Variants in MTUS2 observed in about 807,000 individuals in gnomAD.
MTUS2 encodes microtubule-associated tumor suppressor candidate 2.
In MTUS2, 40 loss-of-function variants were observed where a neutral mutation model predicts 114.1. The observed-to-expected ratio is 0.35, with a 90% CI of 0.27 to 0.46. The LOEUF (loss-of-function observed/expected upper bound fraction) is 0.46. MTUS2 is among the 20% of genes least tolerant of loss of function. MTUS2 has a pLI of 1.00. For missense variants in MTUS2, 1,679 were observed against 1,705.4 expected (o/e 0.98, Z 0.27); for synonymous variants, 688 against 672.0 (o/e 1.02, Z -0.37).
chr13:29,176,318 G>A (rs980756896), intron 5 of MTUS2, among the ~76,000 whole-genome samples: 4 of 152,118 alleles, frequency 2.6e-5, no homozygotes, highest in East Asian at 1.9e-4. Flanking sequence ...CCTGGTTCAT[G>A]TTCTGTCCTC....
intron 2 of MTUS2, among the ~76,000 whole-genome samples, chr13:29,012,504 A>G (rs7999431): frequency 0.051 from 7,820 of 152,240 alleles, 731 homozygotes; most frequent in East Asian, 0.41. Context: ...GTGGTTAGAA[A>G]TTAGGAAGGG....
intron 5 of MTUS2, among the ~76,000 whole-genome samples, chr13:29,161,284 G>A (rs1482390496): frequency 6.6e-6 from 1 of 152,070 alleles, no homozygotes; most frequent in African/African-American, 2.4e-5. Context: ...GTTGCTACTG[G>A]GGGGAACTGA....
intron 2 of MTUS2, among the ~76,000 whole-genome samples, chr13:28,906,983 TG>T (rs975949579): frequency 1.6e-4 from 24 of 151,138 alleles, no homozygotes; most frequent in African/African-American, 5.9e-4. Flanking sequence ...AAGGAAAAAA[TG>T]TTAAGGGCAG....
At chr13:29,430,994 A>G (rs1251192159) in intron 8 of MTUS2, among the ~76,000 whole-genome samples, 1 of 152,256 alleles carries the variant, frequency 6.6e-6, no homozygotes, top group Non-Finnish European at 1.5e-5. Flanking sequence ...AACAATAAAT[A>G]TCTCCTCAGA....
intron 5 of MTUS2, among the ~76,000 whole-genome samples, chr13:29,222,398 T>G (rs1190791498): frequency 6.6e-6 from 1 of 152,238 alleles, no homozygotes. Context: ...TTTGTTTTTA[T>G]GTATGAATTT....
In MTUS2 at chr13:29,371,985, CCCACACA is replaced by C. The variant is rs1446507805; in HGVS notation, c.3117+12514_3117+12520del. Reference sequence around the variant, plus strand: ...AGTGTCCTCAACCCCCGCCCCCCCCCCCACACACACACACAAGCACAAAAGGTAACTG... The same window carrying C: ...AGTGTCCTCAACCCCCGCCCCCCCCCCACACACAAGCACAAAAGGTAACTG... On this transcript the variant is annotated intron_variant, in intron 8 of 15. Transcript: ENST00000612955. Among the ~76,000 whole-genome samples the C allele has an allele frequency of 1.3e-3, 73 of 54,240 alleles. 1 individual carries two copies. Among genetic ancestry groups the C allele is most frequent in the African/African-American group, 3.9e-3 (71 of 18,234 alleles). 35.6% of individuals were successfully genotyped at this position (54,240 alleles called of 152,430 possible).
At chr13:29,031,279 T>TGTG in intron 3 of MTUS2, among the ~76,000 whole-genome samples, 1 of 40,150 alleles carries the variant, frequency 2.5e-5, no homozygotes, top group Non-Finnish European at 6.3e-5. Context: ...TGGTGTGTGT[T>TGTG]CACAGGTCTA....
chr13:29,003,185 G>A (rs931111281), intron 2 of MTUS2, among the ~76,000 whole-genome samples: 1 of 152,160 alleles, frequency 6.6e-6, no homozygotes, highest in Admixed American at 6.5e-5. Context: ...GTTACATGCC[G>A]CTTACTGTGT....
chr13:28,847,215 T>C (rs1875946994), intron 2 of MTUS2, among the ~76,000 whole-genome samples: 1 of 152,194 alleles, frequency 6.6e-6, no homozygotes, highest in Non-Finnish European at 1.5e-5. Context: ...CAAATAGGCA[T>C]GAACAATATA....
chr13:29,459,819 C>T (rs1879359599), intron 9 of MTUS2, among the ~76,000 whole-genome samples: 1 of 152,080 alleles, frequency 6.6e-6, no homozygotes, highest in South Asian at 2.1e-4. Context: ...GCTGTCTGCC[C>T]ACCCACACAC....
chr13:29,268,716 C>A (rs187640896), intron 5 of MTUS2, among the ~76,000 whole-genome samples: 1 of 152,014 alleles, frequency 6.6e-6, no homozygotes, highest in Non-Finnish European at 1.5e-5. Flanking sequence ...AATTCTATTC[C>A]GTAATGATTC....
intron 1 of MTUS2, among the ~76,000 whole-genome samples, chr13:28,832,647 A>T (rs71433287): frequency 6.7e-6 from 1 of 148,394 alleles, no homozygotes. Flanking sequence ...ATATAATATG[A>T]CAATATATTA....
chr13:29,436,085 G>A (rs941205682), intron 8 of MTUS2, among the ~76,000 whole-genome samples: 1 of 152,218 alleles, frequency 6.6e-6, no homozygotes, highest in Non-Finnish European at 1.5e-5. Context: ...AATGCAGCCA[G>A]GGCATTCTTT....
At chr13:28,856,879 A>G (rs752057432) in intron 2 of MTUS2, among the ~76,000 whole-genome samples, 43 of 152,236 alleles carry the variant, frequency 2.8e-4, no homozygotes, top group Non-Finnish European at 4.6e-4. Flanking sequence ...CCTCTCCCAC[A>G]AGAAACTCCA....
intron 5 of MTUS2, among the ~76,000 whole-genome samples, chr13:29,140,217 A>G (rs1342869024): frequency 1.3e-5 from 2 of 152,244 alleles, no homozygotes; most frequent in Non-Finnish European, 2.9e-5. Context: ...TCATTTAGGA[A>G]TAAATGAAGA....
In MTUS2 at chr13:29,487,924, G is replaced by A; in HGVS notation, c.3424G>A (p.Asp1142Asn). 1 of 1,614,124 alleles carries A rather than the reference G, an allele frequency of 6.2e-7. No homozygotes were observed. Among genetic ancestry groups the A allele is most frequent in the Non-Finnish European group, 8.5e-7 (1 of 1,180,002 alleles). ...GGTGGAAGATCTCACCGCCAGCCAT[G>A]ATGCTGCTCTCCTAGAGATGGAAAA... ...EQVEDLTASH[D>N]AALLEMENNH... is the part of the protein sequence containing the mutation. The change falls in exon 11 of 16, where the codon GAT becomes AAT. Residue 1142 changes from aspartate to asparagine, a missense_variant. Transcript: ENST00000612955.
intron 6 of MTUS2, among the ~76,000 whole-genome samples, chr13:29,285,678 C>T (rs1046487717): frequency 2.0e-5 from 3 of 152,126 alleles, no homozygotes; most frequent in African/African-American, 7.2e-5. Context: ...CTCTGATGTA[C>T]TCGGCAAGAG....
chr13:29,030,906 G>T (rs994522495), intron 3 of MTUS2, among the ~76,000 whole-genome samples: 1 of 152,090 alleles, frequency 6.6e-6, no homozygotes, highest in East Asian at 1.9e-4. Flanking sequence ...AACAGCACAG[G>T]CATTTAAAAC....
At position 29,402,805 on chromosome 13, in the gene MTUS2, C is replaced by T. The variant is rs138396880; in HGVS notation, c.3118-37178C>T. Among the ~76,000 whole-genome samples the T allele has an allele frequency of 8.0e-3, 1,221 of 152,300 alleles. 19 individuals are homozygous for T. Among genetic ancestry groups the T allele is most frequent in the African/African-American group, 0.028 (1,151 of 41,552 alleles). ...ATGGAGTCTCGCTCTGTCACGATCTCACCTCACTGCAACCTCCGCCTCCCA... is the reference window on the plus strand; with the variant it reads ...ATGGAGTCTCGCTCTGTCACGATCTTACCTCACTGCAACCTCCGCCTCCCA... On this transcript the variant is annotated intron_variant, in intron 8 of 15. Coordinates refer to ENST00000612955, the MANE Select transcript of MTUS2 (RefSeq NM_001033602.4).
Sources: allele counts gnomAD v4.1 joint callset (sites outside exome capture counted in the v4.1 genomes callset), GRCh38; gene constraint gnomAD v4.1.1; transcripts MANE v1.5; gene names NCBI Gene and HGNC (gene_info 2026-07-23, HGNC 2026-07-21).